The following GLCCI1 variants were observed in gnomAD, a reference collection of about 807,000 sequenced individuals.
The protein encoded by GLCCI1 is glucocorticoid-induced transcript 1 protein.
In GLCCI1, 24 loss-of-function variants were observed where a neutral mutation model predicts 52.2. The ratio of observed to expected loss-of-function variants is 0.46; its 90% CI spans 0.33 to 0.65. The LOEUF is 0.65. GLCCI1 is among the 30% of genes least tolerant of loss of function. The probability of loss-of-function intolerance (pLI) is 0.02; values close to 1 mark genes in which losing one functional copy is unlikely to be tolerated. For missense variants in GLCCI1, 704 were observed against 701.5 expected (o/e 1.00, Z -0.04); for synonymous variants, 310 against 276.5 (o/e 1.12, Z -1.20).
At chr7:7,988,743 C>G (rs943715172) in intron 1 of GLCCI1, among the ~76,000 whole-genome samples, 9 of 152,072 alleles carry the variant, frequency 5.9e-5, no homozygotes, top group Non-Finnish European at 1.2e-4. Context: ...GTAATTTAGA[C>G]AAATAGAGTT....
At chr7:8,029,418 G>A (rs1221395301) in intron 3 of GLCCI1, among the ~76,000 whole-genome samples, 1 of 151,904 alleles carries the variant, frequency 6.6e-6, no homozygotes, top group Non-Finnish European at 1.5e-5. Flanking sequence ...AAAAACCCTC[G>A]AAAAAACTGG....
intron 1 of GLCCI1, among the ~76,000 whole-genome samples, chr7:7,999,380 A>C (rs946332254): frequency 6.6e-6 from 1 of 152,192 alleles, no homozygotes; most frequent in Non-Finnish European, 1.5e-5. Flanking sequence ...GCCTAAGGGG[A>C]AAGGATTGCT....
Position 8,022,518 on chromosome 7 carries a change from GAGGTCACATC to G in GLCCI1, c.648_657del (p.Arg216SerfsTer12). On this transcript the variant is annotated frameshift_variant, in exon 3 of 8. Coordinates refer to ENST00000223145, the MANE Select transcript of GLCCI1 (RefSeq NM_138426.4). LOFTEE classifies it high-confidence loss of function. ...GTTGGGCAGAAGAGGGTGCAGAAAA[GAGGTCACATC>G]AGCGTTCTGCGTCATGGGGGAGTGC... 6.3e-7 allele frequency: 1 copy of G among 1,587,864 alleles called. No homozygotes were observed.
intron 2 of GLCCI1, among the ~76,000 whole-genome samples, chr7:8,013,412 C>T (rs1443724235): frequency 2.0e-5 from 3 of 151,994 alleles, no homozygotes; most frequent in Non-Finnish European, 4.4e-5. Flanking sequence ...CTCTTTCTGG[C>T]TTCTCTATGC....
intron 3 of GLCCI1, among the ~76,000 whole-genome samples, chr7:8,026,616 G>A (rs533569661): frequency 6.6e-6 from 1 of 152,360 alleles, no homozygotes; most frequent in African/African-American, 2.4e-5. Flanking sequence ...TGCACTTTGG[G>A]GAAGAAGAGC....
intron 6 of GLCCI1, among the ~76,000 whole-genome samples, chr7:8,084,231 A>T (rs1029601370): frequency 1.3e-5 from 2 of 152,234 alleles, no homozygotes; most frequent in African/African-American, 2.4e-5. Flanking sequence ...TTGGCCAAAA[A>T]TATGAGGAAA....
intron 1 of GLCCI1, among the ~76,000 whole-genome samples, chr7:8,002,925 G>A (rs1781075988): frequency 1.3e-5 from 2 of 152,180 alleles, no homozygotes; most frequent in South Asian, 2.1e-4. Context: ...TGATTGAACT[G>A]TGTATAATGT....
At chr7:8,071,192 T>G in intron 6 of GLCCI1, 61 bp downstream of exon 6, 1 of 1,276,388 alleles carries the variant, frequency 7.8e-7, no homozygotes, top group South Asian at 1.3e-5. Flanking sequence ...ATACCTTGTC[T>G]TAGACCATTA....
intron 3 of GLCCI1, among the ~76,000 whole-genome samples, chr7:8,044,545 A>G (rs952312835): frequency 6.6e-6 from 1 of 151,704 alleles, no homozygotes; most frequent in African/African-American, 2.4e-5. Context: ...TAATTTTTGT[A>G]TTTTTTGTAG....
At chr7:8,078,033 G>C (rs1256851521) in intron 6 of GLCCI1, among the ~76,000 whole-genome samples, 1 of 151,770 alleles carries the variant, frequency 6.6e-6, no homozygotes, top group Non-Finnish European at 1.5e-5. Flanking sequence ...AGGAAATCGA[G>C]ACCATCCTGG....
chr7:8,005,242 G>C (rs1781124522), intron 2 of GLCCI1, among the ~76,000 whole-genome samples: 1 of 151,312 alleles, frequency 6.6e-6, no homozygotes, highest in Admixed American at 6.6e-5. Context: ...TGTAGGTATA[G>C]AAAATAAAAT....
chr7:8,023,542 C>G (rs1470079511), intron 3 of GLCCI1, among the ~76,000 whole-genome samples: 1 of 147,488 alleles, frequency 6.8e-6, no homozygotes, highest in African/African-American at 2.5e-5. Flanking sequence ...AGCCAATCTC[C>G]TAAATAAATA....
chr7:7,997,505 G>A (rs1301943883), intron 1 of GLCCI1, among the ~76,000 whole-genome samples: 4 of 152,114 alleles, frequency 2.6e-5, no homozygotes, highest in African/African-American at 9.7e-5. Context: ...GCAACTTAAT[G>A]TCTTGTATTC....
intron 2 of GLCCI1, among the ~76,000 whole-genome samples, chr7:8,020,832 C>G (rs147083350): frequency 3.5e-4 from 53 of 152,094 alleles, no homozygotes; most frequent in Middle Eastern, 3.4e-3. Context: ...AGTGACTAAA[C>G]AATTGAATAA....
At chr7:8,003,457 C>T (rs950211965) in intron 1 of GLCCI1, among the ~76,000 whole-genome samples, 3 of 152,074 alleles carry the variant, frequency 2.0e-5, no homozygotes, top group Admixed American at 6.6e-5. Context: ...GCACCCAAAT[C>T]GTGAAAGCTT....
intron 3 of GLCCI1, among the ~76,000 whole-genome samples, chr7:8,030,114 C>T (rs891723277): frequency 2.6e-5 from 4 of 152,080 alleles, no homozygotes; most frequent in Non-Finnish European, 4.4e-5. Context: ...AGAACAAAAC[C>T]GGAGGAATGA....
chr7:7,982,072 G>C, intron 1 of GLCCI1: 1 of 469,034 alleles, frequency 2.1e-6, no homozygotes, highest in Non-Finnish European at 4.2e-6. Context: ...ACCGAACTCA[G>C]AACTGAAGTC....
chr7:8,016,697 A>G (rs1421059978), intron 2 of GLCCI1, among the ~76,000 whole-genome samples: 1 of 152,182 alleles, frequency 6.6e-6, no homozygotes, highest in South Asian at 2.1e-4. Flanking sequence ...TTGGGGGACA[A>G]CTATTATTGT....
intron 3 of GLCCI1, among the ~76,000 whole-genome samples, chr7:8,040,673 CTT>C (rs761158747): frequency 9.2e-5 from 14 of 152,112 alleles, no homozygotes; most frequent in South Asian, 2.1e-4. Context: ...TTGGAAAACA[CTT>C]TGCTAGTTTC....
Sources: allele counts gnomAD v4.1 joint callset (sites outside exome capture counted in the v4.1 genomes callset), GRCh38; gene constraint gnomAD v4.1.1; transcripts MANE v1.5; gene names NCBI Gene and HGNC (gene_info 2026-07-23, HGNC 2026-07-21).